DLGAP1: variants seen among roughly 807,000 people sequenced by gnomAD.
DLGAP1 encodes the protein disks large-associated protein 1.
In DLGAP1, 11 loss-of-function variants were observed where a neutral mutation model predicts 90.8. The ratio of observed to expected loss-of-function variants is 0.12; its 90% CI spans 0.08 to 0.20. DLGAP1 has a LOEUF of 0.20. Ranked by LOEUF, DLGAP1 falls within the 10% of genes least tolerant of loss-of-function variation. DLGAP1 has a pLI of 1.00. For missense variants in DLGAP1, 1,050 were observed against 1,333.8 expected, an observed-to-expected ratio of 0.79 and a Z score of 3.31; for synonymous variants, 558 against 540.7, an observed-to-expected ratio of 1.03 and a Z score of -0.44.
intron 2 of DLGAP1, among the ~76,000 whole-genome samples, chr18:4,129,857 GT>G (rs1436365655): frequency 6.6e-6 from 1 of 152,168 alleles, no homozygotes; most frequent in East Asian, 1.9e-4. Context: ...GTCTCAAAGT[GT>G]TTTGGTCACC....
chr18:4,023,101 T>A (rs188926808), intron 2 of DLGAP1, among the ~76,000 whole-genome samples: 26 of 152,302 alleles, frequency 1.7e-4, no homozygotes, highest in African/African-American at 5.8e-4. Flanking sequence ...TTTTAGTTTT[T>A]GTCAATCTGA....
intron 3 of DLGAP1, among the ~76,000 whole-genome samples, chr18:3,991,623 GCCCTTCT>G (rs1445193022): frequency 1.3e-5 from 2 of 152,146 alleles, no homozygotes; most frequent in Non-Finnish European, 2.9e-5. Flanking sequence ...GGTTGGTATT[GCCCTTCT>G]CCCTTCTCCC....
intron 2 of DLGAP1, among the ~76,000 whole-genome samples, chr18:4,087,895 A>G (rs2143704470): frequency 6.6e-6 from 1 of 152,080 alleles, no homozygotes; most frequent in South Asian, 2.1e-4. Context: ...TTGATTTGTT[A>G]TGTTGAGACC....
intron 1 of DLGAP1, among the ~76,000 whole-genome samples, chr18:4,406,998 TTCCTTTTAAAATTGCACTC>T (rs2082677440): frequency 6.6e-6 from 1 of 152,170 alleles, no homozygotes; most frequent in South Asian, 2.1e-4. Context: ...ATTGGGAGCT[TTCCTTTTAAAATTGCACTC>T]TCCTGTCACA....
chr18:3,600,896 A>ATATAGATATATATAGATAGATG (rs1555695631), intron 7 of DLGAP1, among the ~76,000 whole-genome samples: 1 of 101,062 alleles, frequency 9.9e-6, no homozygotes, highest in Non-Finnish European at 2.2e-5. Context: ...ATATATAGAT[A>ATATAGATATATATAGATAGATG]TATATAGATA....
At chr18:4,443,864 A>G (rs2083595987) in intron 1 of DLGAP1, among the ~76,000 whole-genome samples, 4 of 152,252 alleles carry the variant, frequency 2.6e-5, no homozygotes, top group Admixed American at 2.6e-4. Flanking sequence ...ATACTGTGTT[A>G]CCGTAACAAT....
At chr18:4,064,551 G>A (rs7504592) in intron 2 of DLGAP1, among the ~76,000 whole-genome samples, 29,814 of 151,848 alleles carry the variant, frequency 0.2, 2,929 homozygotes, top group South Asian at 0.23. Context: ...AGCCATCAGA[G>A]ACTATTATGA....
chr18:4,308,911 G>C (rs911371787), intron 1 of DLGAP1, among the ~76,000 whole-genome samples: 8 of 152,182 alleles, frequency 5.3e-5, no homozygotes, highest in Non-Finnish European at 1.0e-4. Flanking sequence ...GCCCTTTAAA[G>C]ATACAGAGGC....
chr18:4,317,413 A>C (rs2080560323), intron 1 of DLGAP1, among the ~76,000 whole-genome samples: 1 of 152,218 alleles, frequency 6.6e-6, no homozygotes, highest in African/African-American at 2.4e-5. Context: ...GATCCATGAT[A>C]ATTTTAAGGT....
chr18:4,111,800 T>C (rs1027612874), intron 2 of DLGAP1, among the ~76,000 whole-genome samples: 5 of 152,064 alleles, frequency 3.3e-5, no homozygotes, highest in African/African-American at 9.6e-5. Context: ...TTTTCATTCC[T>C]GATTTTGGTA....
chr18:4,046,551 G>A (rs1305569486), intron 2 of DLGAP1, among the ~76,000 whole-genome samples: 1 of 152,244 alleles, frequency 6.6e-6, no homozygotes, highest in Non-Finnish European at 1.5e-5. Flanking sequence ...AAATAATTAA[G>A]TGTTAGAATA....
intron 7 of DLGAP1, among the ~76,000 whole-genome samples, chr18:3,717,262 G>A (rs1307336700): frequency 2.0e-5 from 3 of 152,108 alleles, no homozygotes; most frequent in Non-Finnish European, 4.4e-5. Flanking sequence ...AATCTCTTTA[G>A]TTAGATGTTT....
intron 1 of DLGAP1, among the ~76,000 whole-genome samples, chr18:4,409,778 A>G (rs1436065465): frequency 6.6e-6 from 1 of 151,268 alleles, no homozygotes; most frequent in East Asian, 1.9e-4. Flanking sequence ...TTTTTTTCTT[A>G]CTGATTTGTT....
At chr18:3,884,954 C>G (rs2071271269) in intron 3 of DLGAP1, among the ~76,000 whole-genome samples, 1 of 152,164 alleles carries the variant, frequency 6.6e-6, no homozygotes. Context: ...TACCATGGCC[C>G]TTTCTGTAAC....
chr18:3,585,905 G>A (rs1189088302), intron 7 of DLGAP1, among the ~76,000 whole-genome samples: 1 of 152,228 alleles, frequency 6.6e-6, no homozygotes, highest in Non-Finnish European at 1.5e-5. Flanking sequence ...ATAAGTGGGG[G>A]TGGGAGGGGC....
At chr18:3,883,801 G>A (rs777723895) in intron 3 of DLGAP1, among the ~76,000 whole-genome samples, 2 of 152,156 alleles carry the variant, frequency 1.3e-5, no homozygotes, top group African/African-American at 4.8e-5. Context: ...TCAGAGCAAG[G>A]CAGGAAGCAG....
chr18:3,908,981 C>T (rs2071974314), intron 3 of DLGAP1, among the ~76,000 whole-genome samples: 1 of 152,088 alleles, frequency 6.6e-6, no homozygotes, highest in Non-Finnish European at 1.5e-5. Context: ...TTGGAAAATC[C>T]TAGCCTGGGT....
At chr18:3,847,536 G>A (rs1355941668) in intron 4 of DLGAP1, among the ~76,000 whole-genome samples, 1 of 152,054 alleles carries the variant, frequency 6.6e-6, no homozygotes, top group Admixed American at 6.6e-5. Flanking sequence ...GGAGGAAGAG[G>A]AAGACAGAGG....
intron 7 of DLGAP1, among the ~76,000 whole-genome samples, chr18:3,674,296 A>ATTAATATATATAT (rs1555623972): frequency 1.6e-5 from 2 of 128,992 alleles, no homozygotes; most frequent in Admixed American, 1.5e-4. Context: ...ATAATATTAA[A>ATTAATATATATAT]ATATATATAT....
Sources: gnomAD v4.1 joint callset for allele counts (sites outside exome capture counted in the v4.1 genomes callset) on GRCh38, gnomAD v4.1.1 for gene constraint, MANE v1.5 for transcripts, NCBI Gene and HGNC (gene_info 2026-07-23, HGNC 2026-07-21) for gene names.